Variants in SERINC5 observed in about 807,000 individuals in gnomAD.
The protein encoded by SERINC5 is chromosome 5 open reading frame 12.
A neutral mutation model predicts 63.1 loss-of-function variants in SERINC5; 41 were observed. That is an observed-to-expected ratio of 0.65 (90% CI 0.51 to 0.84). The LOEUF (loss-of-function observed/expected upper bound fraction) is 0.84. Among genes scored for constraint, SERINC5 ranks in the 40% least tolerant of loss-of-function variants. The pLI is 0.00. For synonymous variants in SERINC5, 222 were observed against 215.2 expected, an observed-to-expected ratio of 1.03 and a Z score of -0.28; for missense variants, 523 against 573.0, an observed-to-expected ratio of 0.91 and a Z score of 0.89.
intron 9 of SERINC5, among the ~76,000 whole-genome samples, chr5:80,150,194 G>T (rs879540662): frequency 2.0e-5 from 3 of 152,128 alleles, no homozygotes; most frequent in Admixed American, 6.5e-5. Flanking sequence ...GCTGTGTATG[G>T]AGGGCACAGA....
At chr5:80,227,877 A>C (rs1751240053) in intron 1 of SERINC5, among the ~76,000 whole-genome samples, 1 of 151,894 alleles carries the variant, frequency 6.6e-6, no homozygotes, top group Non-Finnish European at 1.5e-5. Context: ...GTGTTTACAC[A>C]AGGTAAGAAG....
chr5:80,252,027 A>G (rs189391270), intron 1 of SERINC5, among the ~76,000 whole-genome samples: 1 of 150,080 alleles, frequency 6.7e-6, no homozygotes, highest in East Asian at 2.0e-4. Context: ...TTCCGCTCTG[A>G]CAGTGAGCAC....
chr5:80,169,893 A>G (rs1367260818), intron 5 of SERINC5, among the ~76,000 whole-genome samples: 1 of 152,206 alleles, frequency 6.6e-6, no homozygotes, highest in Non-Finnish European at 1.5e-5. Context: ...GTACTGAGCC[A>G]GAGGTCTGAG....
intron 5 of SERINC5, among the ~76,000 whole-genome samples, chr5:80,170,540 T>C (rs542513610): frequency 1.3e-5 from 2 of 152,308 alleles, no homozygotes; most frequent in African/African-American, 2.4e-5. Flanking sequence ...TTTGGTGTAA[T>C]GAGTTTGAGC....
chr5:80,189,825 C>T (rs1315772364), intron 2 of SERINC5, among the ~76,000 whole-genome samples: 1 of 152,030 alleles, frequency 6.6e-6, no homozygotes, highest in Non-Finnish European at 1.5e-5. Flanking sequence ...CATCCTCCCA[C>T]TTCAGCCTTC....
intron 1 of SERINC5, among the ~76,000 whole-genome samples, chr5:80,243,257 AT>A (rs1352609225): frequency 5.3e-5 from 8 of 152,172 alleles, no homozygotes; most frequent in African/African-American, 1.9e-4. Context: ...ACCTAGAGTG[AT>A]GTTGGCTTCC....
chr5:80,172,202 T>C (rs1747714605), intron 5 of SERINC5, among the ~76,000 whole-genome samples: 1 of 152,024 alleles, frequency 6.6e-6, no homozygotes, highest in African/African-American at 2.4e-5. Context: ...TGGTGGTGCA[T>C]GCCTGTAATC....
chr5:80,171,872 C>A (rs939387598), intron 5 of SERINC5, among the ~76,000 whole-genome samples: 2 of 151,472 alleles, frequency 1.3e-5, no homozygotes, highest in Admixed American at 1.3e-4. Context: ...CAGAGTGAGA[C>A]CCTGTCTCTT....
At chr5:80,221,493 A>C (rs113522918) in intron 1 of SERINC5, among the ~76,000 whole-genome samples, 1,769 of 152,248 alleles carry the variant, frequency 0.012, 44 homozygotes, top group African/African-American at 0.04. Context: ...AACCTGGAAA[A>C]AATGCTAATG....
At position 80,150,864 on chromosome 5, in the gene SERINC5, A is replaced by G. The variant is rs1373154667; in HGVS notation, c.1053+18T>C. ...ATCTTCTGAGATGAAGCAGGACAGG[A>G]AAAGGAAATGAACTTACCTCCAATT... On this transcript the variant is annotated intron_variant, in intron 9 of 11. Coordinates refer to ENST00000507668, the MANE Select transcript of SERINC5 (RefSeq NM_001174072.3). The G allele has an allele frequency of 6.3e-7, 1 of 1,581,828 alleles. No homozygotes were observed. Among genetic ancestry groups the G allele is most frequent in the Admixed American group, 1.7e-5 (1 of 59,998 alleles).
chr5:80,189,966 A>T (rs1415108460), intron 2 of SERINC5, among the ~76,000 whole-genome samples: 2 of 151,814 alleles, frequency 1.3e-5, no homozygotes, highest in Non-Finnish European at 2.9e-5. Context: ...CCACTGCAGC[A>T]TCCCCACACT....
chr5:80,147,565 G>C (rs146454823), intron 9 of SERINC5, among the ~76,000 whole-genome samples: 1 of 152,266 alleles, frequency 6.6e-6, no homozygotes, highest in Non-Finnish European at 1.5e-5. Context: ...AACTGCCATG[G>C]AATGGCTGAT....
At chr5:80,241,547 A>G (rs1290277897) in intron 1 of SERINC5, among the ~76,000 whole-genome samples, 1 of 152,140 alleles carries the variant, frequency 6.6e-6, no homozygotes, top group Non-Finnish European at 1.5e-5. Flanking sequence ...TCAAAAAAAG[A>G]TAAGAACAAA....
At chr5:80,222,296 A>C (rs1426569371) in intron 1 of SERINC5, among the ~76,000 whole-genome samples, 1 of 152,092 alleles carries the variant, frequency 6.6e-6, no homozygotes, top group Non-Finnish European at 1.5e-5. Flanking sequence ...CCCACTTTGC[A>C]ACTGTGGATG....
At chr5:80,150,616 A>C (rs1490338262) in intron 9 of SERINC5, among the ~76,000 whole-genome samples, 1 of 152,020 alleles carries the variant, frequency 6.6e-6, no homozygotes, top group Non-Finnish European at 1.5e-5. Flanking sequence ...TTGTATTTTT[A>C]GTAGAGATGG....
At chr5:80,249,902 CCT>C (rs1482551875) in intron 1 of SERINC5, among the ~76,000 whole-genome samples, 1 of 152,050 alleles carries the variant, frequency 6.6e-6, no homozygotes, top group East Asian at 1.9e-4. Context: ...GTGTGATTTC[CCT>C]CTGTTTCACA....
chr5:80,170,784 G>A (rs928415298), intron 5 of SERINC5, among the ~76,000 whole-genome samples: 6 of 152,138 alleles, frequency 3.9e-5, no homozygotes, highest in Admixed American at 3.9e-4. Flanking sequence ...GAGAGGCCGA[G>A]GCAGGTGAAT....
intron 2 of SERINC5, among the ~76,000 whole-genome samples, chr5:80,195,143 G>C (rs4351121): frequency 0.018 from 2,772 of 151,988 alleles, 93 homozygotes; most frequent in African/African-American, 0.064. Flanking sequence ...AAAATTAGCC[G>C]AGTGTGATGG....
chr5:80,181,825 C>T (rs1748447929), intron 2 of SERINC5, among the ~76,000 whole-genome samples: 2 of 152,164 alleles, frequency 1.3e-5, no homozygotes, highest in Admixed American at 6.5e-5. Context: ...GTGACAAGCA[C>T]CTGGCATCTG....
Sources: gnomAD v4.1 joint callset for allele counts (sites outside exome capture counted in the v4.1 genomes callset) on GRCh38, gnomAD v4.1.1 for gene constraint, MANE v1.5 for transcripts, NCBI Gene and HGNC (gene_info 2026-07-23, HGNC 2026-07-21) for gene names.